Variants in JMJD1C observed in about 807,000 individuals in gnomAD.
JMJD1C encodes the protein jumonji domain containing 1C, also known as jumonji domain-containing protein 1C.
In JMJD1C, 31 loss-of-function variants were observed where a neutral mutation model predicts 245.3. That is an observed-to-expected ratio of 0.13 (90% CI 0.09 to 0.17). JMJD1C has a LOEUF of 0.17. JMJD1C is among the 10% of genes least tolerant of loss of function. The pLI is 1.00. For missense variants in JMJD1C, 2,691 were observed against 3,000.2 expected (o/e 0.90, Z 2.41); for synonymous variants, 1,057 against 1,017.4 (o/e 1.04, Z -0.74).
chr10:63,286,866 T>C (rs1411760332), intron 2 of JMJD1C, among the ~76,000 whole-genome samples: 1 of 152,104 alleles, frequency 6.6e-6, no homozygotes, highest in Non-Finnish European at 1.5e-5. Context: ...ACCTCAAAAG[T>C]AGTTTCTTCT....
Position 63,191,119 on chromosome 10 carries a change from A to G in JMJD1C, c.6077-11T>C. On this transcript the variant is annotated splice_polypyrimidine_tract_variant and intron_variant, in intron 16 of 25. Transcript: ENST00000399262. ...TAAGTTCTTTGTTTTCTGAAATAGA[A>G]AATTTCACAGATTTTGTTTTGTTTT... is the stretch of plus-strand genomic sequence containing the variant. 2 of 1,593,932 alleles carry G rather than the reference A, an allele frequency of 1.3e-6. No individual in the cohort carries two copies. Among genetic ancestry groups the G allele is most frequent in the Non-Finnish European group, 1.7e-6 (2 of 1,162,286 alleles).
intron 1 of JMJD1C, among the ~76,000 whole-genome samples, chr10:63,491,262 TC>T (rs1025814729): frequency 1.3e-5 from 2 of 152,110 alleles, no homozygotes; most frequent in African/African-American, 4.8e-5. Flanking sequence ...CATCACCCCC[TC>T]CCCCAGTTAT....
chr10:63,204,887 A>C, intron 10 of JMJD1C: 2 of 985,414 alleles, frequency 2.0e-6, no homozygotes, highest in Non-Finnish European at 2.4e-6. Context: ...TCATTCAGTT[A>C]AAAGGCACAA....
At chr10:63,318,668 C>T (rs1387649071) in intron 2 of JMJD1C, among the ~76,000 whole-genome samples, 1 of 151,664 alleles carries the variant, frequency 6.6e-6, no homozygotes, top group Non-Finnish European at 1.5e-5. Context: ...TCTAAACAAA[C>T]TGGAATTTAA....
chr10:63,390,850 A>G (rs1421040556), intron 1 of JMJD1C, among the ~76,000 whole-genome samples: 1 of 152,168 alleles, frequency 6.6e-6, no homozygotes, highest in African/African-American at 2.4e-5. Flanking sequence ...ATACCTCAAC[A>G]TAATAAAGGC....
intron 10 of JMJD1C, chr10:63,203,820 T>C (rs1846297793): frequency 7.2e-6 from 7 of 974,734 alleles, no homozygotes; most frequent in Middle Eastern, 5.2e-4. Context: ...TAACGGTGTA[T>C]GTAATCATAT....
At chr10:63,517,244 C>T (rs771589723) in intron 1 of JMJD1C, among the ~76,000 whole-genome samples, 12 of 152,174 alleles carry the variant, frequency 7.9e-5, no homozygotes, top group Non-Finnish European at 1.6e-4. Context: ...CTCCTAGGTA[C>T]TTTCTTAGTC....
intron 1 of JMJD1C, among the ~76,000 whole-genome samples, chr10:63,480,712 G>A (rs1439579416): frequency 6.6e-6 from 1 of 151,582 alleles, no homozygotes; most frequent in African/African-American, 2.4e-5. Context: ...AGAAAGCACT[G>A]TGGATGCAAA....
At chr10:63,402,324 T>G (rs570891415) in intron 1 of JMJD1C, among the ~76,000 whole-genome samples, 35 of 152,334 alleles carry the variant, frequency 2.3e-4, no homozygotes, top group Middle Eastern at 3.4e-3. Context: ...AGAATACTTG[T>G]AACATTTCGT....
upstream of JMJD1C, among the ~76,000 whole-genome samples, chr10:63,467,539 G>A (rs1953346579): frequency 6.6e-6 from 1 of 152,132 alleles, no homozygotes; most frequent in Non-Finnish European, 1.5e-5. Context: ...CAAAAAACCT[G>A]TAATAAATTA....
chr10:63,184,523 C>T (rs1843886861), intron 21 of JMJD1C, 85 bp downstream of exon 21: 4 of 1,201,984 alleles, frequency 3.3e-6, no homozygotes, highest in East Asian at 5.0e-5. Context: ...GGATTGCAGG[C>T]GTGAGCCACT....
At chr10:63,305,802 G>A (rs1007263077) in intron 2 of JMJD1C, among the ~76,000 whole-genome samples, 1 of 151,864 alleles carries the variant, frequency 6.6e-6, no homozygotes, top group Non-Finnish European at 1.5e-5. Context: ...GCACAATCTC[G>A]GCTCACTGCA....
Position 63,183,462 on chromosome 10 carries a change from T to C in JMJD1C, c.7069A>G (p.Ile2357Val), listed in dbSNP as rs749959290. 1.2e-6 allele frequency: 2 copies of C among 1,604,084 alleles called. No individual in the cohort carries two copies. Among genetic ancestry groups the C allele is most frequent in the African/African-American group, 1.3e-5 (1 of 74,426 alleles). Reference sequence around the variant, plus strand: ...TTAAGTTTACCTGCTTTTGAGAGAATGCCATTTCCTTTTGCTATGCCAACA... The same window carrying C: ...TTAAGTTTACCTGCTTTTGAGAGAACGCCATTTCCTTTTGCTATGCCAACA... ...VYVGIAKGNG[I>V]LSKAGILKKF... The change falls in exon 22 of 26, where the codon ATT becomes GTT. Residue 2357 changes from isoleucine to valine, a missense_variant. Around this residue, in one of 9 missense-constraint regions of JMJD1C, gnomAD observed 232 missense variants for 416.1 expected, o/e 0.56. Transcript: ENST00000399262.
At chr10:63,320,517 C>T (rs551000515) in intron 2 of JMJD1C, among the ~76,000 whole-genome samples, 1 of 152,092 alleles carries the variant, frequency 6.6e-6, no homozygotes, top group South Asian at 2.1e-4. Context: ...GTGGAAAATA[C>T]CTAAGGTGGA....
At chr10:63,278,809 A>G (rs1011053209) in intron 2 of JMJD1C, among the ~76,000 whole-genome samples, 1 of 149,538 alleles carries the variant, frequency 6.7e-6, no homozygotes, top group African/African-American at 2.5e-5. Flanking sequence ...ATTGCACTCC[A>G]GCCTGGACAA....
chr10:63,283,346 C>CTGACCA lies in JMJD1C; in HGVS notation c.334-18588_334-18583dup, dbSNP rs1051936766. 2.7e-5 allele frequency among the ~76,000 whole-genome samples: 4 copies of CTGACCA among 150,254 alleles called. No individual in the cohort carries two copies. The Admixed American group carries it at 2.7e-4, about 10-fold the overall frequency. On this transcript the variant is annotated intron_variant, in intron 2 of 25. Transcript: ENST00000399262. ...CTGAAAGCTTCCCTGTATTAGCAAC[C>CTGACCA]TGACCACCTGCTTTCTGAGCCTTTT...
chr10:63,454,219 C>T (rs891506439), intron 1 of JMJD1C, among the ~76,000 whole-genome samples: 1 of 151,666 alleles, frequency 6.6e-6, no homozygotes, highest in Non-Finnish European at 1.5e-5. Context: ...GTCAACCAAG[C>T]GTACAAAATG....
At chr10:63,314,949 C>CTT (rs201119978) in intron 2 of JMJD1C, among the ~76,000 whole-genome samples, 1,189 of 117,958 alleles carry the variant, frequency 0.01, 26 homozygotes, top group Non-Finnish European at 0.016. Context: ...TGTGCCCAGC[C>CTT]TTTTTTGTTT....
At chr10:63,305,282 C>T (rs1281373531) in intron 2 of JMJD1C, among the ~76,000 whole-genome samples, 1 of 150,986 alleles carries the variant, frequency 6.6e-6, no homozygotes, top group African/African-American at 2.4e-5. Flanking sequence ...GCAGGAGAAT[C>T]GCTTGAACCC....
Sources: gnomAD v4.1 joint callset for allele counts (sites outside exome capture counted in the v4.1 genomes callset) on GRCh38, gnomAD v4.1.1 for gene constraint, gnomAD v4.1.1 regional missense constraint, MANE v1.5 for transcripts, NCBI Gene and HGNC (gene_info 2026-07-23, HGNC 2026-07-21) for gene names.